DCAF1: variants seen among roughly 807,000 people sequenced by gnomAD.
The protein encoded by DCAF1 is DDB1 and CUL4 associated factor 1.
DCAF1 carries 15 observed loss-of-function variants against 128.0 expected under a neutral mutation model. The observed-to-expected ratio is 0.12, with a 90% CI of 0.08 to 0.18. The LOEUF (loss-of-function observed/expected upper bound fraction) is 0.18, where lower values mean the gene tolerates loss of function less well. Among genes scored for constraint, DCAF1 ranks in the 10% least tolerant of loss-of-function variants. The probability of loss-of-function intolerance (pLI) is 1.00; values close to 1 mark genes in which losing one functional copy is unlikely to be tolerated. For synonymous variants in DCAF1, 610 were observed against 603.0 expected (o/e 1.01, Z -0.17); for missense variants, 988 against 1,649.5 (o/e 0.60, Z 6.95).
At chr3:51,504,123 C>T (rs558988383), upstream of DCAF1, among the ~76,000 whole-genome samples, 7 of 151,148 alleles carry the variant, frequency 4.6e-5, no homozygotes, top group African/African-American at 1.5e-4. Flanking sequence ...CCGCAAGCTC[C>T]GCCTCCTGGT....
chr3:51,476,829 C>T (rs1018630575), intron 3 of DCAF1, among the ~76,000 whole-genome samples: 1 of 151,966 alleles, frequency 6.6e-6, no homozygotes, highest in African/African-American at 2.4e-5. Context: ...GAGCTGAGAT[C>T]GCACCACTGC....
At chr3:51,425,493 T>C (rs1223256340) in intron 13 of DCAF1, among the ~76,000 whole-genome samples, 3 of 143,894 alleles carry the variant, frequency 2.1e-5, no homozygotes, top group South Asian at 2.3e-4. Context: ...AAAAAATAAA[T>C]AAACACAGAT....
chr3:51,504,796 A>G (rs1433716674), upstream of DCAF1, among the ~76,000 whole-genome samples: 1 of 152,134 alleles, frequency 6.6e-6, no homozygotes, highest in East Asian at 1.9e-4. Context: ...GAAAGAGTTT[A>G]CCACTCTATC....
chr3:51,489,811 ATG>A (rs553794183), intron 2 of DCAF1, among the ~76,000 whole-genome samples: 15,636 of 113,920 alleles, frequency 0.14, 1,636 homozygotes, highest in East Asian at 0.38. Flanking sequence ...GTGTGTATGC[ATG>A]TGTGTGTGTG....
At chr3:51,464,844 G>A (rs936446563) in intron 5 of DCAF1, among the ~76,000 whole-genome samples, 3 of 152,130 alleles carry the variant, frequency 2.0e-5, no homozygotes, top group African/African-American at 7.2e-5. Flanking sequence ...TGTAAAAGAC[G>A]AGAAGGAAGT....
chr3:51,481,756 C>T (rs782109651), intron 3 of DCAF1, among the ~76,000 whole-genome samples: 1 of 152,076 alleles, frequency 6.6e-6, no homozygotes, highest in Non-Finnish European at 1.5e-5. Flanking sequence ...TTTGAGAGGC[C>T]GAGGCAGTCA....
chr3:51,422,606 C>G (rs2107398514), intron 13 of DCAF1, among the ~76,000 whole-genome samples, 175 bp from the exon 14 acceptor site: 1 of 152,272 alleles, frequency 6.6e-6, no homozygotes, highest in South Asian at 2.1e-4. Context: ...TTATAGTCAC[C>G]ATGACATTAC....
intron 1 of DCAF1, among the ~76,000 whole-genome samples, chr3:51,498,221 G>T (rs994693309): frequency 1.3e-5 from 2 of 150,782 alleles, no homozygotes; most frequent in African/African-American, 2.4e-5. Context: ...TTATCCGGGC[G>T]TGGTGGCGCG....
Position 51,418,889 on chromosome 3 carries a change from AAGAG to A in DCAF1, c.3237-17_3237-14del, listed in dbSNP as rs782555439. ...AATAGGACGGAATCTAAGCAAAAAAAAGAGAGAATCACAGGCAAAGAATGTGCAG... is the reference window on the plus strand; with the variant it reads ...AATAGGACGGAATCTAAGCAAAAAAAAGAATCACAGGCAAAGAATGTGCAG... On this transcript the variant is annotated splice_polypyrimidine_tract_variant and intron_variant, in intron 15 of 24. Coordinates refer to ENST00000684031, the MANE Select transcript of DCAF1 (RefSeq NM_001387579.1). The A allele has an allele frequency of 2.5e-6, 4 of 1,593,908 alleles. No homozygotes were observed. The African/African-American group carries it at 4.0e-5, about 16-fold the overall frequency.
At chr3:51,437,382 G>A (rs782813931) in intron 9 of DCAF1, 516,972 of 516,976 alleles carry the variant, frequency 1, 258,484 homozygotes, top group Non-Finnish European at 1. Flanking sequence ...AGTAAGATAA[G>A]CAAGATCCCC....
intron 4 of DCAF1, among the ~76,000 whole-genome samples, chr3:51,469,221 A>ATTTTT (rs781851604): frequency 7.7e-5 from 9 of 116,722 alleles, no homozygotes; most frequent in African/African-American, 1.8e-4. Flanking sequence ...CCACACACAA[A>ATTTTT]TTTTTTTTTT....
At position 51,398,484 on chromosome 3, in the gene DCAF1, T is replaced by G. The variant is rs1553623836; in HGVS notation, c.*285A>C. The stretch of plus-strand genomic sequence containing the variant: ...TTGTGAAATACCCCAGAGACATGGT[T>G]TTTTTTTCCCCTTGAAAGATATGTC... On this transcript the variant is annotated 3_prime_UTR_variant, in exon 25 of 25. Transcript: ENST00000684031. 2.7e-6 allele frequency: 1 copy of G among 365,798 alleles called. No individual in the cohort carries two copies. Among genetic ancestry groups the G allele is most frequent in the African/African-American group, 2.1e-5 (1 of 47,526 alleles). The allele number at this position is 365,798 out of a possible 1,614,324, so 22.7% of individuals were successfully genotyped here.
chr3:51,428,852 C>T (rs1700131509), intron 12 of DCAF1, among the ~76,000 whole-genome samples: 1 of 151,948 alleles, frequency 6.6e-6, no homozygotes, highest in Non-Finnish European at 1.5e-5. Context: ...TAAAAATTAG[C>T]TGGGTGTGGT....
chr3:51,484,258 A>C (rs1706644542), intron 2 of DCAF1, among the ~76,000 whole-genome samples: 1 of 152,054 alleles, frequency 6.6e-6, no homozygotes, highest in Admixed American at 6.6e-5. Context: ...GGATCACCTG[A>C]GGTCAGGAGT....
At chr3:51,457,834 A>T (rs1483342150) in intron 6 of DCAF1, among the ~76,000 whole-genome samples, 2 of 152,226 alleles carry the variant, frequency 1.3e-5, no homozygotes, top group Non-Finnish European at 2.9e-5. Context: ...GTGAAGGAGA[A>T]ATAAAATACT....
In DCAF1 at chr3:51,420,054, G is replaced by A. The variant is rs201180182; in HGVS notation, c.2916C>T (p.Ile972=). 1.4e-5 allele frequency: 22 copies of A among 1,613,924 alleles called. No homozygotes were observed. Among genetic ancestry groups the A allele is most frequent in the Admixed American group, 1.7e-5 (1 of 60,004 alleles). The change falls in exon 15 of 25, where the codon ATC becomes ATT. Residue 972 remains isoleucine, a synonymous_variant. Coordinates refer to ENST00000684031, the MANE Select transcript of DCAF1 (RefSeq NM_001387579.1). This position sits in a 1 kb window ranked among gnomAD's most constrained non-coding sequence, Gnocchi z 6.5. ...ERPSPCNGRK[I]RVLRQKSDHG... ...GGTCCGACTTCTGCCGCAACACTCT[G>A]ATTTTCCTGCCATTGCAGGGTGATG...
At chr3:51,481,057 A>G (rs1205078878) in intron 3 of DCAF1, among the ~76,000 whole-genome samples, 2 of 152,204 alleles carry the variant, frequency 1.3e-5, no homozygotes, top group Non-Finnish European at 2.9e-5. Flanking sequence ...GGAGAAGGTC[A>G]CTGGAACGTG....
intron 23 of DCAF1, 32 bp downstream of exon 23, chr3:51,412,347 T>C (rs782081923): frequency 6.2e-7 from 1 of 1,613,232 alleles, no homozygotes; most frequent in Non-Finnish European, 8.5e-7. Context: ...TTAAGCACTG[T>C]TCAGCAGAAA....
In DCAF1 at chr3:51,403,411, A is replaced by C; in HGVS notation, c.4213-16T>G. On this transcript the variant is annotated splice_polypyrimidine_tract_variant and intron_variant, in intron 23 of 24. Transcript: ENST00000684031. The stretch of plus-strand genomic sequence containing the variant: ...CTTCCTCTTCCTGGTAAGAAAGCGT[A>C]ATGTTCATTAGTACAAACACAGAGG... 6.4e-7 allele frequency: 1 copy of C among 1,551,740 alleles called. No individual in the cohort carries two copies. The highest frequency in any genetic ancestry group is 8.7e-7 in the Non-Finnish European group (1 of 1,146,934).
Sources: gnomAD v4.1 joint callset for allele counts (sites outside exome capture counted in the v4.1 genomes callset) on GRCh38, gnomAD v4.1.1 for gene constraint, Gnocchi (gnomAD v3.1) non-coding constraint, MANE v1.5 for transcripts, NCBI Gene and HGNC (gene_info 2026-07-23, HGNC 2026-07-21) for gene names.